Variants in TSPAN16 observed in about 807,000 individuals in gnomAD.
TSPAN16 encodes tetraspanin-16.
In TSPAN16, 23 loss-of-function variants were observed where a neutral mutation model predicts 25.2. The observed-to-expected ratio is 0.91, with a 90% CI of 0.66 to 1.29. TSPAN16 has a LOEUF of 1.29. TSPAN16 is among the 50% of genes most tolerant of loss of function. The pLI is 0.00. For synonymous variants in TSPAN16, 123 were observed against 124.4 expected (o/e 0.99, Z 0.08); for missense variants, 272 against 299.9 (o/e 0.91, Z 0.69).
At chr19:11,302,752 T>G (rs2080576851) in intron 4 of TSPAN16, among the ~76,000 whole-genome samples, 1 of 150,476 alleles carries the variant, frequency 6.6e-6, no homozygotes, top group East Asian at 2.0e-4. Flanking sequence ...AGGATCTCAC[T>G]CTGTTGCCCA....
chr19:11,315,263 A>AAT (rs1226420899), intron 6 of TSPAN16, among the ~76,000 whole-genome samples: 6 of 131,616 alleles, frequency 4.6e-5, no homozygotes, highest in African/African-American at 2.2e-4. Context: ...TAATAATAAT[A>AAT]ATAATAATAA....
intron 1 of TSPAN16, among the ~76,000 whole-genome samples, chr19:11,297,174 G>GA (rs1462169165): frequency 2.0e-5 from 3 of 152,072 alleles, no homozygotes; most frequent in Non-Finnish European, 4.4e-5. Context: ...ATTTTAAAGA[G>GA]AATTAAGGCC....
rs375296435 is a variant in TSPAN16, at chr19:11,303,094, C to G, written c.450+1786C>G. Among the ~76,000 whole-genome samples the G allele has an allele frequency of 2.7e-3, 407 of 149,934 alleles. 3 individuals carry two copies. Among genetic ancestry groups the G allele is most frequent in the African/African-American group, 5.8e-3 (231 of 39,702 alleles). On this transcript the variant is annotated intron_variant, in intron 4 of 6. Coordinates refer to ENST00000590327, the MANE Select transcript of TSPAN16 (RefSeq NM_001282509.2). ...ATTGAGAACGGGCCAGGATGACAAT[C>G]GCGGCTTTGTGGAATAGAAAGGGGG...
Position 11,306,796 on chromosome 19 carries a change from A to T in TSPAN16, c.603+40A>T, listed in dbSNP as rs528161585. The T allele has an allele frequency of 3.2e-5, 50 of 1,560,650 alleles. No individual in the cohort carries two copies. In the South Asian group the frequency reaches 4.8e-4, roughly 15 times the overall value. ...TGTGTGTTGCCTTGACAGACCCCTG[A>T]GGGCTGGTGACTTCATTTTTATTTT... On this transcript the variant is annotated intron_variant, in intron 5 of 6. Transcript: ENST00000590327.
chr19:11,315,941 C>T lies in TSPAN16; in HGVS notation c.*103C>T, dbSNP rs1470428688. ...GCACTCACTGCTTCTGGAGGGGAGA[C>T]TGTTAATAAAAGATTTGGGAACCCC... On this transcript the variant is annotated 3_prime_UTR_variant, in exon 7 of 7. Transcript: ENST00000590327. The T allele has an allele frequency of 8.1e-7, 1 of 1,230,010 alleles. No homozygotes were observed. The highest frequency in any genetic ancestry group is 1.6e-5 in the African/African-American group (1 of 64,418). The allele number at this position is 1,230,010 out of a possible 1,614,324, so 76.2% of individuals were successfully genotyped here.
downstream of TSPAN16, among the ~76,000 whole-genome samples, chr19:11,319,556 C>T (rs1458707179): frequency 2.6e-5 from 4 of 151,942 alleles, no homozygotes; most frequent in African/African-American, 4.8e-5. Context: ...CGAGATCGCG[C>T]CACTGCACTC....
At chr19:11,325,535 C>A in intron 6 of TSPAN16, 2 of 1,613,678 alleles carry the variant, frequency 1.2e-6, no homozygotes, top group Non-Finnish European at 1.7e-6. Flanking sequence ...CGCTCGAAGA[C>A]CTGCTTCACA....
intron 6 of TSPAN16, among the ~76,000 whole-genome samples, chr19:11,314,940 A>C (rs1244920482): frequency 1.3e-5 from 2 of 152,062 alleles, no homozygotes; most frequent in Non-Finnish European, 2.9e-5. Context: ...GGGAGGGCCG[A>C]AGTGGAGAGG....
At chr19:11,314,253 T>G (rs926763725) in intron 6 of TSPAN16, among the ~76,000 whole-genome samples, 1 of 152,208 alleles carries the variant, frequency 6.6e-6, no homozygotes, top group Non-Finnish European at 1.5e-5. Flanking sequence ...GAAAATGTTC[T>G]TAAGTTATAT....
intron 3 of TSPAN16, 79 bp downstream of exon 3, chr19:11,299,025 A>C: frequency 7.0e-7 from 1 of 1,425,862 alleles, no homozygotes; most frequent in Non-Finnish European, 9.8e-7. Flanking sequence ...CACGCCTCTA[A>C]TCCCAGCATT....
intron 6 of TSPAN16, among the ~76,000 whole-genome samples, chr19:11,312,637 T>C (rs2080705495): frequency 6.6e-6 from 1 of 151,860 alleles, no homozygotes; most frequent in African/African-American, 2.4e-5. Context: ...TGGTGGCAGA[T>C]GCTTGTAGTC....
At position 11,300,855 on chromosome 19, in the gene TSPAN16, T is replaced by C. The variant is rs2080537278; in HGVS notation, c.343-346T>C. 6 of 179,116 alleles carry C rather than the reference T, an allele frequency of 3.3e-5. No homozygotes were observed. In the South Asian group the frequency reaches 9.8e-4, roughly 29 times the overall value. 11.1% of individuals were successfully genotyped at this position (179,116 alleles called of 1,614,324 possible). A position where few individuals can be genotyped will look rare whatever the true frequency, so the allele number is the denominator to read the frequency against. On this transcript the variant is annotated intron_variant, in intron 3 of 6. Transcript: ENST00000590327. ...GTGCCCCTTTTGTGCAGACAGAGAT[T>C]CCGTGGAAGATGATATTCAATTCTT...
At chr19:11,313,995 T>C (rs937044266) in intron 6 of TSPAN16, among the ~76,000 whole-genome samples, 4 of 152,210 alleles carry the variant, frequency 2.6e-5, no homozygotes, top group Admixed American at 1.3e-4. Context: ...AGAAAATGCA[T>C]ATCCATTCAA....
At chr19:11,316,023 A>G (rs1034939009), downstream of TSPAN16, 205 of 1,113,388 alleles carry the variant, frequency 1.8e-4, no homozygotes, top group Non-Finnish European at 5.8e-5. Context: ...TTTTACCTCA[A>G]AATGCCTGAA....
chr19:11,307,371 C>T (rs577394141), intron 5 of TSPAN16, among the ~76,000 whole-genome samples: 98 of 149,722 alleles, frequency 6.5e-4, no homozygotes, highest in Admixed American at 1.1e-3. Context: ...CCTCCCACCT[C>T]GGCCTCCCAA....
chr19:11,316,503 G>T (rs2080750289), downstream of TSPAN16, among the ~76,000 whole-genome samples: 1 of 151,978 alleles, frequency 6.6e-6, no homozygotes, highest in African/African-American at 2.4e-5. Context: ...ACATCACCCA[G>T]GTTCAACAAT....
chr19:11,302,034 G>C (rs1457567952), intron 4 of TSPAN16, among the ~76,000 whole-genome samples: 5 of 151,958 alleles, frequency 3.3e-5, no homozygotes, highest in Non-Finnish European at 5.9e-5. Flanking sequence ...ATATGGGTCA[G>C]GCTGGTCTCA....
downstream of TSPAN16, among the ~76,000 whole-genome samples, chr19:11,319,464 G>A (rs1011333403): frequency 6.6e-6 from 1 of 152,078 alleles, no homozygotes; most frequent in Non-Finnish European, 1.5e-5. Flanking sequence ...CGGGCGTGGT[G>A]GCACACGCCC....
chr19:11,301,248 T>G lies in TSPAN16; in HGVS notation c.390T>G (p.Asn130Lys), dbSNP rs915224201. 4.3e-6 allele frequency: 7 copies of G among 1,613,678 alleles called. No homozygotes were observed. The highest frequency in any genetic ancestry group is 1.6e-4 in the Middle Eastern group (1 of 6,084). Residue 130 changes from asparagine (N) to lysine (K), a missense_variant, in exon 4 of 7, where the codon AAT becomes AAG. Physicochemically the swap from Asn to Lys is moderately conservative, Grantham distance 94 (BLOSUM62 0). Transcript: ENST00000590327. ...LEHTFVTLRK[N>K]YRGYNEPDDY... is the part of the protein sequence containing the mutation. ...ACACCTTCGTGACCCTGAGGAAGAATTACAGAGGTTACAACGAGCCAGACG... is the reference window on the plus strand; with the variant it reads ...ACACCTTCGTGACCCTGAGGAAGAAGTACAGAGGTTACAACGAGCCAGACG...
Sources: gnomAD v4.1 joint callset for allele counts (sites outside exome capture counted in the v4.1 genomes callset) on GRCh38, gnomAD v4.1.1 for gene constraint, MANE v1.5 for transcripts, NCBI Gene and HGNC (gene_info 2026-07-23, HGNC 2026-07-21) for gene names.